The following FAM222A variants were observed in gnomAD, a reference collection of about 807,000 sequenced individuals.
The protein encoded by FAM222A is family with sequence similarity 222 member A.
In FAM222A, 7 loss-of-function variants were observed where a neutral mutation model predicts 25.8. That is an observed-to-expected ratio of 0.27 (90% CI 0.15 to 0.51). The LOEUF is 0.51. FAM222A is among the 20% of genes least tolerant of loss of function. FAM222A has a pLI of 0.97. For synonymous variants in FAM222A, 294 were observed against 298.8 expected (o/e 0.98, Z 0.17); for missense variants, 573 against 640.5 (o/e 0.89, Z 1.14).
intron 1 of FAM222A, chr12:109,734,476 C>T (rs1199977565): frequency 6.6e-6 from 1 of 152,016 alleles, no homozygotes; most frequent in South Asian, 2.1e-4. Flanking sequence ...TTTCCTGTCT[C>T]TCCCGGCACC....
At chr12:109,765,673 G>C (rs1889028047) in intron 2 of FAM222A, among the ~76,000 whole-genome samples, 1 of 152,212 alleles carries the variant, frequency 6.6e-6, no homozygotes, top group South Asian at 2.1e-4. Flanking sequence ...CACTTGGATT[G>C]GTTGTGAGCC....
intron 1 of FAM222A, among the ~76,000 whole-genome samples, chr12:109,716,072 C>T (rs1182797763): frequency 6.6e-6 from 1 of 152,234 alleles, no homozygotes; most frequent in Non-Finnish European, 1.5e-5. Context: ...TTTCAACGAG[C>T]ATATTGTGAG....
chr12:109,744,287 AC>A lies in FAM222A; in HGVS notation c.82+65del, dbSNP rs948057917. The A allele has an allele frequency of 1.5e-5, 23 of 1,547,734 alleles. No individual in the cohort carries two copies. In the African/African-American group the frequency reaches 2.5e-4, roughly 17 times the overall value. ...AGGTCGTGGGCAGAGAACGCCATTC[AC>A]CCCCCAGGATGTCCACCTACCATGG... is the stretch of plus-strand genomic sequence containing the variant. On this transcript the variant is annotated intron_variant, in intron 2 of 2. Transcript: ENST00000538780.
At chr12:109,717,183 CCT>C (rs1247008210) in intron 1 of FAM222A, among the ~76,000 whole-genome samples, 1 of 152,226 alleles carries the variant, frequency 6.6e-6, no homozygotes, top group Non-Finnish European at 1.5e-5. Flanking sequence ...AGATTTGAAT[CCT>C]CTCTTCCTAT....
chr12:109,769,232 G>A lies in FAM222A; in HGVS notation c.1303G>A (p.Val435Met), dbSNP rs776580547. Residue 435 changes from valine (V) to methionine (M), a missense_variant, in exon 3 of 3, where the codon GTG becomes ATG. Physicochemically the swap from Val to Met is conservative, Grantham distance 21. Transcript: ENST00000538780. Reference protein sequence around the residue: ...MLGKGYETVAVPRLLDHQHAH... With the variant: ...MLGKGYETVAMPRLLDHQHAH... ...GGGCAAGGGCTATGAGACGGTGGCC[G>A]TGCCCCGGCTACTCGACCACCAGCA... 1.6e-5 allele frequency: 26 copies of A among 1,611,552 alleles called. No individual in the cohort carries two copies. Among genetic ancestry groups the A allele is most frequent in the African/African-American group, 6.7e-5 (5 of 74,892 alleles).
intron 2 of FAM222A, among the ~76,000 whole-genome samples, chr12:109,766,905 TA>T (rs1331030798): frequency 1.3e-5 from 2 of 152,024 alleles, no homozygotes; most frequent in African/African-American, 4.8e-5. Context: ...TATTTACTTT[TA>T]TTTTTTTGAG....
intron 1 of FAM222A, among the ~76,000 whole-genome samples, chr12:109,726,741 C>T (rs891258674): frequency 2.0e-5 from 3 of 152,104 alleles, no homozygotes; most frequent in African/African-American, 7.2e-5. Flanking sequence ...TTCCCGCTTC[C>T]CTAGGGGCCT....
At chr12:109,724,781 C>T (rs1211845474) in intron 1 of FAM222A, among the ~76,000 whole-genome samples, 1 of 152,050 alleles carries the variant, frequency 6.6e-6, no homozygotes, top group African/African-American at 2.4e-5. Flanking sequence ...GGGTCCTTTG[C>T]TTTGTACACT....
At chr12:109,729,676 G>C (rs889575043) in intron 1 of FAM222A, among the ~76,000 whole-genome samples, 1 of 152,276 alleles carries the variant, frequency 6.6e-6, no homozygotes, top group Non-Finnish European at 1.5e-5. Flanking sequence ...GCATGCCCCA[G>C]CAAGGCTGGG....
In FAM222A at chr12:109,770,177, T is replaced by G. The variant is rs952544341; in HGVS notation, c.*889T>G. On this transcript the variant is annotated 3_prime_UTR_variant, in exon 3 of 3. Transcript: ENST00000538780. ...ATCCTTGCCTTCTTCGAGGGATCTC[T>G]TGGGACCCTCCTGGTTTTAACTGGG... 3 of 152,526 alleles carry G rather than the reference T, an allele frequency of 2.0e-5. No homozygotes were observed. The highest frequency in any genetic ancestry group is 1.5e-5 in the Non-Finnish European group (1 of 68,066). 9.4% of individuals were successfully genotyped at this position (152,526 alleles called of 1,614,324 possible). A position where few individuals can be genotyped will look rare whatever the true frequency, so the allele number is the denominator to read the frequency against.
chr12:109,735,273 G>A (rs935518195), intron 1 of FAM222A, among the ~76,000 whole-genome samples: 1 of 152,298 alleles, frequency 6.6e-6, no homozygotes, highest in South Asian at 2.1e-4. Context: ...AACCTCTTCC[G>A]TGGGGCTTTC....
chr12:109,765,574 C>T (rs1033719149), intron 2 of FAM222A, among the ~76,000 whole-genome samples: 4 of 152,240 alleles, frequency 2.6e-5, no homozygotes, highest in African/African-American at 7.2e-5. Context: ...CTACCAGTGG[C>T]CCAGGACTTA....
chr12:109,759,388 G>A (rs985516066), intron 2 of FAM222A, among the ~76,000 whole-genome samples: 6 of 151,964 alleles, frequency 3.9e-5, no homozygotes, highest in Admixed American at 6.6e-5. Context: ...CAAGCTCCCC[G>A]CTGCTCCATG....
rs1395404854 is a variant in FAM222A, at chr12:109,713,844, A to C, written c.-1100A>C. 2.7e-5 allele frequency among the ~76,000 whole-genome samples: 4 copies of C among 149,938 alleles called. No individual in the cohort carries two copies. Among genetic ancestry groups the C allele is most frequent in the Non-Finnish European group, 4.5e-5 (3 of 67,254 alleles). On this transcript the variant is annotated 5_prime_UTR_variant, in exon 1 of 3. Coordinates refer to ENST00000538780, the MANE Select transcript of FAM222A (RefSeq NM_032829.3). Reference sequence around the variant, plus strand: ...CCTGTCAGTCGGGCCAGAGCGGAGCAGCGGGCAGGACTGCCTGGCCGGCTG... The same window carrying C: ...CCTGTCAGTCGGGCCAGAGCGGAGCCGCGGGCAGGACTGCCTGGCCGGCTG...
intron 2 of FAM222A, among the ~76,000 whole-genome samples, chr12:109,755,026 TATA>T (rs2136366389): frequency 6.6e-6 from 1 of 152,306 alleles, no homozygotes; most frequent in East Asian, 1.9e-4. Context: ...AACTTCTTCA[TATA>T]TTCTAGATAC....
At chr12:109,752,882 A>G (rs1174927575) in intron 2 of FAM222A, among the ~76,000 whole-genome samples, 1 of 152,170 alleles carries the variant, frequency 6.6e-6, no homozygotes, top group Non-Finnish European at 1.5e-5. Flanking sequence ...CAGATGGGCC[A>G]GAGGAGGTGG....
chr12:109,736,746 T>C (rs561949594), intron 1 of FAM222A, among the ~76,000 whole-genome samples: 2 of 152,276 alleles, frequency 1.3e-5, no homozygotes, highest in African/African-American at 4.8e-5. Flanking sequence ...ATCGCAGTTG[T>C]CAGTTCCCAT....
intron 1 of FAM222A, among the ~76,000 whole-genome samples, chr12:109,729,392 C>T (rs1313091063): frequency 6.6e-6 from 1 of 152,204 alleles, no homozygotes; most frequent in Admixed American, 6.5e-5. Context: ...CTTCCCCATC[C>T]CCGGCCAGCA....
rs1235617655 is a variant in FAM222A at position 109,744,178 on chromosome 12, C to G, written c.32C>G (p.Ala11Gly). 3.7e-6 allele frequency: 6 copies of G among 1,613,350 alleles called. No individual in the cohort carries two copies. In the Admixed American group the frequency reaches 8.3e-5, roughly 22 times the overall value. The change falls in exon 2 of 3, where the codon GCC becomes GGC. Residue 11 changes from alanine (A) to glycine (G), a missense_variant. By Grantham distance (60) the Ala-to-Gly change is moderately conservative. This residue lies in a region of FAM222A where 112 missense variants were observed against 154.6 expected (regional missense o/e 0.72). Transcript: ENST00000538780. MLACLQRTQN[A>G]PGQHLACPSK... The stretch of plus-strand genomic sequence containing the variant: ...GCCTGTCTGCAGAGGACCCAGAACG[C>G]CCCGGGCCAACACCTGGCCTGCCCG...
Sources: gnomAD v4.1 joint callset for allele counts (sites outside exome capture counted in the v4.1 genomes callset) on GRCh38, gnomAD v4.1.1 for gene constraint, gnomAD v4.1.1 regional missense constraint, MANE v1.5 for transcripts, NCBI Gene and HGNC (gene_info 2026-07-23, HGNC 2026-07-21) for gene names.